XNDC1N: variants seen among roughly 807,000 people sequenced by gnomAD.
XNDC1N encodes the protein XRCC1 N-terminal domain containing 1, N-terminal like.
the XNDC1N span, among the ~76,000 whole-genome samples, chr11:71,891,012 T>A: frequency 6.6e-6 from 1 of 151,704 alleles, no homozygotes; most frequent in Admixed American, 6.6e-5. Flanking sequence ...GGGAGTGAAA[T>A]TTTCCTCTCT....
At chr11:71,901,216 T>G in the XNDC1N span, among the ~76,000 whole-genome samples, 1 of 152,130 alleles carries the variant, frequency 6.6e-6, no homozygotes, top group East Asian at 1.9e-4. Flanking sequence ...CAATTCGGAG[T>G]TTGGCTTCCA....
the XNDC1N span, among the ~76,000 whole-genome samples, chr11:71,887,145 C>T: frequency 4.1e-3 from 631 of 152,298 alleles, 3 homozygotes; most frequent in African/African-American, 0.014. Flanking sequence ...GGGGTGGAGA[C>T]ATTGACTTTC....
the XNDC1N span, among the ~76,000 whole-genome samples, chr11:71,911,307 A>G: frequency 6.6e-6 from 1 of 152,226 alleles, no homozygotes; most frequent in Non-Finnish European, 1.5e-5. Context: ...TGAAGTTTGT[A>G]ACAGCCTACA....
chr11:71,890,587 C>T, the XNDC1N span, among the ~76,000 whole-genome samples: 45 of 152,032 alleles, frequency 3.0e-4, no homozygotes, highest in Non-Finnish European at 5.3e-4. Flanking sequence ...ATATTCGGTG[C>T]CATATTTCAG....
chr11:71,918,681 G>A, the XNDC1N span, among the ~76,000 whole-genome samples: 37 of 152,302 alleles, frequency 2.4e-4, no homozygotes, highest in African/African-American at 8.7e-4. Context: ...CATTCACATT[G>A]TATTCTATGT....
chr11:71,893,819 T>C, the XNDC1N span: 5 of 1,017,056 alleles, frequency 4.9e-6, no homozygotes, highest in African/African-American at 8.4e-5. Flanking sequence ...CTCCTGACTG[T>C]GATGACCTAT....
chr11:71,894,760 A>G, the XNDC1N span, among the ~76,000 whole-genome samples: 1 of 152,344 alleles, frequency 6.6e-6, no homozygotes, highest in Middle Eastern at 3.4e-3. Flanking sequence ...GAAACAATGT[A>G]CAGGAGGTCC....
the XNDC1N span, among the ~76,000 whole-genome samples, chr11:71,868,581 G>C: frequency 2.0e-5 from 3 of 152,114 alleles, no homozygotes; most frequent in African/African-American, 7.2e-5. Flanking sequence ...GGGATTTCTT[G>C]TCTTTAAGAA....
At chr11:71,873,605 A>C in the XNDC1N span, among the ~76,000 whole-genome samples, 10 of 152,296 alleles carry the variant, frequency 6.6e-5, 1 homozygote, top group African/African-American at 2.4e-4. Flanking sequence ...CTTAGAAAAG[A>C]ATAATCCTTG....
the XNDC1N span, among the ~76,000 whole-genome samples, chr11:71,900,113 G>A: frequency 5.5e-4 from 83 of 150,622 alleles, no homozygotes; most frequent in African/African-American, 1.3e-3. Flanking sequence ...AGATTCTATT[G>A]CTCACATCTT....
chr11:71,903,532 C>T, the XNDC1N span: 34 of 701,296 alleles, frequency 4.8e-5, no homozygotes, highest in African/African-American at 2.8e-4. Context: ...GAGAGACATG[C>T]TCCTGAGTGT....
At chr11:71,919,784 A>G in the XNDC1N span, among the ~76,000 whole-genome samples, 12 of 145,160 alleles carry the variant, frequency 8.3e-5, no homozygotes, top group Admixed American at 8.2e-4. Context: ...TGCCCGGCTA[A>G]TTTTTTGTAT....
At chr11:71,918,088 T>A in the XNDC1N span, among the ~76,000 whole-genome samples, 15,946 of 152,106 alleles carry the variant, frequency 0.1, 1,685 homozygotes, top group African/African-American at 0.27. Flanking sequence ...CTTGCTAGGG[T>A]GCCTGACATC....
the XNDC1N span, chr11:71,917,485 C>T: frequency 1.5e-6 from 1 of 675,040 alleles, no homozygotes; most frequent in Non-Finnish European, 2.7e-6. Context: ...CCCTTTGCCC[C>T]CAACAGATAT....
the XNDC1N span, among the ~76,000 whole-genome samples, chr11:71,889,865 C>A: frequency 2.6e-5 from 4 of 152,100 alleles, no homozygotes; most frequent in African/African-American, 7.2e-5. Context: ...TGGGAGGAGG[C>A]CTATCAAACA....
At chr11:71,868,819 A>G in the XNDC1N span, among the ~76,000 whole-genome samples, 4 of 151,956 alleles carry the variant, frequency 2.6e-5, no homozygotes, top group African/African-American at 9.7e-5. Context: ...ATTTGAATCA[A>G]CCTCTCTAGT....
chr11:71,865,843 C>T, the XNDC1N span: 2 of 448,476 alleles, frequency 4.5e-6, no homozygotes, highest in African/African-American at 4.2e-5. Context: ...GCCTCTAAAA[C>T]ATTTCTCCCA....
At chr11:71,921,009 T>TA in the XNDC1N span, among the ~76,000 whole-genome samples, 1 of 152,088 alleles carries the variant, frequency 6.6e-6, no homozygotes, top group Non-Finnish European at 1.5e-5. Flanking sequence ...TCTTTTTTTT[T>TA]AGAGACAGGG....
chr11:71,926,083 G>A, the XNDC1N span: 3 of 151,274 alleles, frequency 2.0e-5, no homozygotes, highest in Non-Finnish European at 4.4e-5. Flanking sequence ...ATCAGCCTGG[G>A]CAACATGGCG....
Sources: gnomAD v4.1 joint callset for allele counts (sites outside exome capture counted in the v4.1 genomes callset) on GRCh38, gnomAD v4.1.1 for gene constraint, MANE v1.5 for transcripts, NCBI Gene and HGNC (gene_info 2026-07-23, HGNC 2026-07-21) for gene names.